Variants in KCNE4 observed in about 807,000 individuals in gnomAD.
KCNE4 encodes potassium voltage-gated channel subfamily E regulatory subunit 4.
A neutral mutation model predicts 9.2 loss-of-function variants in KCNE4; 6 were observed. That is an observed-to-expected ratio of 0.65 (90% CI 0.36 to 1.29). The LOEUF (loss-of-function observed/expected upper bound fraction) is 1.29. KCNE4 is among the 50% of genes most tolerant of loss of function. KCNE4 has a pLI of 0.03. For synonymous variants in KCNE4, 115 were observed against 103.2 expected (o/e 1.11, Z -0.70); for missense variants, 222 against 228.8 (o/e 0.97, Z 0.19).
Position 223,052,921 on chromosome 2 carries a change from G to C in KCNE4, c.91G>C (p.Gly31Arg). The C allele has an allele frequency of 1.2e-6, 2 of 1,614,092 alleles. No individual in the cohort carries two copies. Among genetic ancestry groups the C allele is most frequent in the Non-Finnish European group, 1.7e-6 (2 of 1,179,984 alleles). Residue 31 changes from glycine to arginine, a missense_variant, in exon 2 of 2, where the codon GGC becomes CGC. By Grantham distance (125) the Gly-to-Arg change is moderately radical. Coordinates refer to ENST00000281830, the MANE Select transcript of KCNE4 (RefSeq NM_080671.4). ...LESRAAGGGS[G>R]NGNEYFYILV... is the part of the protein sequence containing the mutation. Reference sequence around the variant, plus strand: ...GTCCCGTGCGGCCGGCGGCGGCAGCGGCAATGGCAACGAGTACTTCTACAT... The same window carrying C: ...GTCCCGTGCGGCCGGCGGCGGCAGCCGCAATGGCAACGAGTACTTCTACAT...
At position 223,052,819 on chromosome 2, in the gene KCNE4, G is replaced by A; in HGVS notation, c.-12G>A. On this transcript the variant is annotated 5_prime_UTR_variant, in exon 2 of 2. Transcript: ENST00000281830. ...GGCTTTTTCCCCAGCCCCTGCTGTG[G>A]AGGCAGCCTCAATGCTGAAAATGGA... 6.2e-7 allele frequency: 1 copy of A among 1,609,134 alleles called. No individual in the cohort carries two copies. The highest frequency in any genetic ancestry group is 1.1e-5 in the South Asian group (1 of 91,016).
At chr2:223,052,571 T>TAA (rs71906281) in intron 1 of KCNE4, among the ~76,000 whole-genome samples, 1,811 of 131,956 alleles carry the variant, frequency 0.014, 64 homozygotes, top group African/African-American at 0.042. Flanking sequence ...ATGTGTACAC[T>TAA]AAAAAAAAAA....
chr2:223,052,678 A>G (rs964614970), intron 1 of KCNE4, 130 bp from the exon 2 acceptor site: 2 of 1,026,350 alleles, frequency 1.9e-6, no homozygotes, highest in Non-Finnish European at 1.4e-6. Context: ...TGTTTGGCGA[A>G]CCCTCTTATG....
At position 223,054,312 on chromosome 2, in the gene KCNE4, C is replaced by A. The variant is rs919914697; in HGVS notation, c.*969C>A. Reference sequence around the variant, plus strand: ...GGCTCCAAGTTCTGTGCTTCCTGATCCCGAGCCCTGACACTCATTTGCTGT... The same window carrying A: ...GGCTCCAAGTTCTGTGCTTCCTGATACCGAGCCCTGACACTCATTTGCTGT... On this transcript the variant is annotated 3_prime_UTR_variant, in exon 2 of 2. Coordinates refer to ENST00000281830, the MANE Select transcript of KCNE4 (RefSeq NM_080671.4). 6.0e-6 allele frequency: 1 copy of A among 167,048 alleles called. No homozygotes were observed. The highest frequency in any genetic ancestry group is 2.4e-5 in the African/African-American group (1 of 41,422). The allele number at this position is 167,048 out of a possible 1,614,324, so 10.3% of individuals were successfully genotyped here. A position where few individuals can be genotyped will look rare whatever the true frequency, so the allele number is the denominator to read the frequency against.
In KCNE4 at chr2:223,053,359, T is replaced by C. The variant is rs1698725036; in HGVS notation, c.*16T>C. On this transcript the variant is annotated 3_prime_UTR_variant, in exon 2 of 2. Coordinates refer to ENST00000281830, the MANE Select transcript of KCNE4 (RefSeq NM_080671.4). This position sits in a 1 kb window ranked among gnomAD's most constrained non-coding sequence, Gnocchi z 4.1. Reference sequence around the variant, plus strand: ...GAATTCCTAGCACCCCCGGGACCCCTGCCGGTGGCTCCATCAGCCAGCAAC... The same window carrying C: ...GAATTCCTAGCACCCCCGGGACCCCCGCCGGTGGCTCCATCAGCCAGCAAC... 1 of 1,608,974 alleles carries C rather than the reference T, an allele frequency of 6.2e-7. No individual in the cohort carries two copies. The highest frequency in any genetic ancestry group is 1.1e-5 in the South Asian group (1 of 90,592).
At chr2:223,052,680 C>T (rs974983418) in intron 1 of KCNE4, 128 bp from the exon 2 acceptor site, 3 of 1,047,800 alleles carry the variant, frequency 2.9e-6, no homozygotes, top group Non-Finnish European at 4.1e-6. Context: ...TTTGGCGAAC[C>T]CTCTTATGCT....
chr2:223,053,240 C>A lies in KCNE4; in HGVS notation c.410C>A (p.Thr137Asn). 1 of 1,613,888 alleles carries A rather than the reference C, an allele frequency of 6.2e-7. No homozygotes were observed. Among genetic ancestry groups the A allele is most frequent in the Non-Finnish European group, 8.5e-7 (1 of 1,179,992 alleles). Residue 137 changes from threonine to asparagine, a missense_variant, in exon 2 of 2, where the codon ACC becomes AAC. By Grantham distance (65) the Thr-to-Asn change is moderately conservative. Transcript: ENST00000281830. The surrounding 1 kb of genome is among the most constrained non-coding windows in gnomAD (Gnocchi z 4.1). ...SESSSPDVHL[T>N]IQEEGADDEL... ...TCCTCCTCCCCGGACGTGCACCTCA[C>A]CATTCAGGAGGAGGGGGCAGACGAT... is the stretch of plus-strand genomic sequence containing the variant.
Position 223,055,425 on chromosome 2 carries a change from T to C in KCNE4, c.*2082T>C, listed in dbSNP as rs944355733. 1.8e-5 allele frequency: 3 copies of C among 167,118 alleles called. No homozygotes were observed. Among genetic ancestry groups the C allele is most frequent in the African/African-American group, 7.2e-5 (3 of 41,464 alleles). 10.4% of individuals were successfully genotyped at this position (167,118 alleles called of 1,614,324 possible). A position where few individuals can be genotyped will look rare whatever the true frequency, so the allele number is the denominator to read the frequency against. ...AATCACTTGAATTCTGAAATTTCACTGCGACGGACATGTGCCTTGTCACAT... is the reference window on the plus strand; with the variant it reads ...AATCACTTGAATTCTGAAATTTCACCGCGACGGACATGTGCCTTGTCACAT... On this transcript the variant is annotated 3_prime_UTR_variant, in exon 2 of 2. Transcript: ENST00000281830.
At position 223,053,075 on chromosome 2, in the gene KCNE4, A is replaced by G; in HGVS notation, c.245A>G (p.Glu82Gly). The change falls in exon 2 of 2, where the codon GAG (glutamate) becomes GGG (glycine). Residue 82 changes from glutamate (E) to glycine (G), a missense_variant. Coordinates refer to ENST00000281830, the MANE Select transcript of KCNE4 (RefSeq NM_080671.4). This position sits in a 1 kb window ranked among gnomAD's most constrained non-coding sequence, Gnocchi z 4.1. Reference protein sequence around the residue: ...LYKDEERLWGEAMKPLPVVSG... With the variant: ...LYKDEERLWGGAMKPLPVVSG... ...AAAGACGAGGAGCGGCTCTGGGGGG[A>G]GGCCATGAAGCCGCTGCCTGTGGTG... is the stretch of plus-strand genomic sequence containing the variant. 6.2e-7 allele frequency: 1 copy of G among 1,613,850 alleles called. No individual in the cohort carries two copies. The highest frequency in any genetic ancestry group is 8.5e-7 in the Non-Finnish European group (1 of 1,179,972).
In KCNE4 at chr2:223,055,207, C is replaced by A. The variant is rs1225489374; in HGVS notation, c.*1864C>A. On this transcript the variant is annotated 3_prime_UTR_variant, in exon 2 of 2. Coordinates refer to ENST00000281830, the MANE Select transcript of KCNE4 (RefSeq NM_080671.4). ...TGCTCTGCATGGATTGGAGACACAG[C>A]AATAACTACTGTTGCCATGGAAGGG... The A allele has an allele frequency of 6.0e-6, 1 of 166,496 alleles. No homozygotes were observed. Among genetic ancestry groups the A allele is most frequent in the Non-Finnish European group, 1.5e-5 (1 of 68,076 alleles). 10.3% of individuals were successfully genotyped at this position (166,496 alleles called of 1,614,324 possible).
chr2:223,052,419 GT>G, intron 1 of KCNE4, 145 bp downstream of exon 1: 1 of 711,804 alleles, frequency 1.4e-6, no homozygotes, highest in Non-Finnish European at 1.9e-6. Flanking sequence ...AAATAGTTTG[GT>G]TTTGGAAACA....
chr2:223,052,691 A>G (rs1242376397), intron 1 of KCNE4, 117 bp from the exon 2 acceptor site: 1 of 1,172,828 alleles, frequency 8.5e-7, no homozygotes, highest in African/African-American at 1.5e-5. Flanking sequence ...CTCTTATGCT[A>G]TTTCTTTCAT....
chr2:223,053,422 T>C lies in KCNE4; in HGVS notation c.*79T>C. On this transcript the variant is annotated 3_prime_UTR_variant, in exon 2 of 2. Coordinates refer to ENST00000281830, the MANE Select transcript of KCNE4 (RefSeq NM_080671.4). The surrounding 1 kb of genome is among the most constrained non-coding windows in gnomAD (Gnocchi z 4.1). ...AAAGACAGTTTTCAAGTGTCTGGTT[T>C]CACTTTCACAGTGCGGCTGCCACTT... is the stretch of plus-strand genomic sequence containing the variant. 1 of 1,414,522 alleles carries C rather than the reference T, an allele frequency of 7.1e-7. No homozygotes were observed. The allele number at this position is 1,414,522 out of a possible 1,614,324, so 87.6% of individuals were successfully genotyped here. A position where few individuals can be genotyped will look rare whatever the true frequency, so the allele number is the denominator to read the frequency against.
rs72548792 is a variant in KCNE4, at chr2:223,055,509, T to G, written c.*2166T>G. 6.0e-6 allele frequency: 1 copy of G among 167,144 alleles called. No homozygotes were observed. The highest frequency in any genetic ancestry group is 1.5e-5 in the Non-Finnish European group (1 of 68,130). 10.4% of individuals were successfully genotyped at this position (167,144 alleles called of 1,614,324 possible). On this transcript the variant is annotated 3_prime_UTR_variant, in exon 2 of 2. Transcript: ENST00000281830. ...TCTCTCTGCACCTATTAAAAAGTGA[T>G]GTATATACTTCCTTCTTATTCTGTT...
rs1698714589 is a variant in KCNE4 at position 223,052,877 on chromosome 2, C to G, written c.47C>G (p.Ala16Gly). 6.2e-7 allele frequency: 1 copy of G among 1,613,912 alleles called. No homozygotes were observed. Among genetic ancestry groups the G allele is most frequent in the East Asian group, 2.2e-5 (1 of 44,874 alleles). ...AACAGCACGCACCCCGGCACCGCCGCCTCCAGCAGCCCCCTGGAGTCCCGT... is the reference window on the plus strand; with the variant it reads ...AACAGCACGCACCCCGGCACCGCCGGCTCCAGCAGCCCCCTGGAGTCCCGT... ...PLNSTHPGTA[A>G]SSSPLESRAA... The change falls in exon 2 of 2, where the codon GCC (alanine) becomes GGC (glycine). Residue 16 changes from alanine to glycine, a missense_variant. Coordinates refer to ENST00000281830, the MANE Select transcript of KCNE4 (RefSeq NM_080671.4).
At chr2:223,052,335 A>G in intron 1 of KCNE4, 61 bp downstream of exon 1, 6 of 1,178,238 alleles carry the variant, frequency 5.1e-6, no homozygotes, top group Non-Finnish European at 6.4e-6. Flanking sequence ...ATTTTTGCCA[A>G]TTAATAGATG....
rs72550206 is a variant in KCNE4, at chr2:223,054,472, G to C, written c.*1129G>C. 1 of 167,080 alleles carries C rather than the reference G, an allele frequency of 6.0e-6. No homozygotes were observed. Among genetic ancestry groups the C allele is most frequent in the Non-Finnish European group, 1.5e-5 (1 of 68,122 alleles). 10.3% of individuals were successfully genotyped at this position (167,080 alleles called of 1,614,324 possible). On this transcript the variant is annotated 3_prime_UTR_variant, in exon 2 of 2. Coordinates refer to ENST00000281830, the MANE Select transcript of KCNE4 (RefSeq NM_080671.4). ...ATATTCCACAGCCTGGTGTGAGGAA[G>C]CTTGGACCAAATGCTTCCCCTTTGG...
rs947001796 is a variant in KCNE4 at position 223,053,127 on chromosome 2, C to T, written c.297C>T (p.Pro99=). The T allele has an allele frequency of 3.7e-6, 6 of 1,613,264 alleles. No homozygotes were observed. Among genetic ancestry groups the T allele is most frequent in the Non-Finnish European group, 5.1e-6 (6 of 1,179,514 alleles). The change falls in exon 2 of 2, where the codon CCC becomes CCT. Residue 99 remains proline, a synonymous_variant. Transcript: ENST00000281830. This position sits in a 1 kb window ranked among gnomAD's most constrained non-coding sequence, Gnocchi z 4.1. Reference sequence around the variant, plus strand: ...CGGGCCTGAGGTCGGTGCAGGTGCCCCTGATGCTGAACATGCTGCAGGAGA... The same window carrying T: ...CGGGCCTGAGGTCGGTGCAGGTGCCTCTGATGCTGAACATGCTGCAGGAGA... The part of the protein sequence containing the change: ...VVSGLRSVQV[P]LMLNMLQESV...
rs538723610 is a variant in KCNE4, at chr2:223,055,428, G to A, written c.*2085G>A. 3 of 167,184 alleles carry A rather than the reference G, an allele frequency of 1.8e-5. No homozygotes were observed. The highest frequency in any genetic ancestry group is 6.5e-5 in the Admixed American group (1 of 15,296). The allele number at this position is 167,184 out of a possible 1,614,324, so 10.4% of individuals were successfully genotyped here. A position where few individuals can be genotyped will look rare whatever the true frequency, so the allele number is the denominator to read the frequency against. The stretch of plus-strand genomic sequence containing the variant: ...CACTTGAATTCTGAAATTTCACTGC[G>A]ACGGACATGTGCCTTGTCACATTTT... On this transcript the variant is annotated 3_prime_UTR_variant, in exon 2 of 2. Coordinates refer to ENST00000281830, the MANE Select transcript of KCNE4 (RefSeq NM_080671.4).
Sources: allele counts gnomAD v4.1 joint callset (sites outside exome capture counted in the v4.1 genomes callset), GRCh38; gene constraint gnomAD v4.1.1; non-coding constraint Gnocchi (gnomAD v3.1); transcripts MANE v1.5; gene names NCBI Gene and HGNC (gene_info 2026-07-23, HGNC 2026-07-21).